Variants in DNAJC1 observed in about 807,000 individuals in gnomAD.
DNAJC1 encodes the protein dnaJ homolog subfamily C member 1.
In DNAJC1, 58 loss-of-function variants were observed where a neutral mutation model predicts 76.6. That is an observed-to-expected ratio of 0.76 (90% CI 0.61 to 0.94). The LOEUF (loss-of-function observed/expected upper bound fraction) is 0.94, where lower values mean the gene tolerates loss of function less well. DNAJC1 is among the 40% of genes least tolerant of loss of function. The pLI is 0.00. For synonymous variants in DNAJC1, 258 were observed against 267.9 expected (o/e 0.96, Z 0.36); for missense variants, 689 against 677.3 (o/e 1.02, Z -0.19).
intron 1 of DNAJC1, among the ~76,000 whole-genome samples, chr10:21,967,609 T>C (rs1234790804): frequency 6.6e-6 from 1 of 152,218 alleles, no homozygotes; most frequent in Admixed American, 6.5e-5. Flanking sequence ...AGTTAGGATA[T>C]AGGCTAAGAC....
intron 8 of DNAJC1, among the ~76,000 whole-genome samples, chr10:21,817,961 T>C (rs905892366): frequency 1.3e-5 from 2 of 152,308 alleles, no homozygotes; most frequent in South Asian, 2.1e-4. Context: ...TTGCGTTAAC[T>C]GCACAAATTG....
chr10:21,892,159 AT>A (rs1836472265), intron 7 of DNAJC1, among the ~76,000 whole-genome samples: 2 of 152,216 alleles, frequency 1.3e-5, no homozygotes, highest in African/African-American at 4.8e-5. Context: ...AAAGAAATAT[AT>A]TTAAAAAAAC....
At chr10:21,833,726 G>A (rs1357463707) in intron 8 of DNAJC1, among the ~76,000 whole-genome samples, 2 of 152,198 alleles carry the variant, frequency 1.3e-5, no homozygotes, top group South Asian at 4.2e-4. Context: ...ATAAATGTTA[G>A]CTAATATTCA....
chr10:22,003,397 C>G lies in DNAJC1; in HGVS notation c.38G>C (p.Gly13Ala), dbSNP rs569910939. Residue 13 changes from glycine (G) to alanine (A), a missense_variant, in exon 1 of 12, where the codon GGA (glycine) becomes GCA (alanine). Transcript: ENST00000376980. ...APCSQPAQLP[G>A]RRQLGLVPFP... Reference sequence around the variant, plus strand: ...CGGCACCAGCCCGAGCTGGCGGCGTCCAGGAAGCTGCGCCGGCTGGGAGCA... The same window carrying G: ...CGGCACCAGCCCGAGCTGGCGGCGTGCAGGAAGCTGCGCCGGCTGGGAGCA... The G allele has an allele frequency of 1.7e-5, 24 of 1,377,938 alleles. No individual in the cohort carries two copies. The African/African-American group carries it at 2.3e-4, about 13-fold the overall frequency. 85.4% of individuals were successfully genotyped at this position (1,377,938 alleles called of 1,614,324 possible).
chr10:21,955,237 T>C (rs913332401), intron 1 of DNAJC1, among the ~76,000 whole-genome samples: 3 of 152,218 alleles, frequency 2.0e-5, no homozygotes, highest in Non-Finnish European at 4.4e-5. Context: ...GAAATTAGTT[T>C]TCCCCAATTT....
intron 1 of DNAJC1, among the ~76,000 whole-genome samples, chr10:21,958,423 A>C (rs1391139878): frequency 1.3e-5 from 2 of 150,116 alleles, no homozygotes; most frequent in Admixed American, 6.6e-5. Context: ...CTGTCTCCAC[A>C]GATTTGTCTT....
chr10:21,782,514 C>G (rs1037745698), intron 9 of DNAJC1, among the ~76,000 whole-genome samples: 11 of 152,164 alleles, frequency 7.2e-5, no homozygotes, highest in African/African-American at 2.4e-4. Context: ...CCATTCCAAT[C>G]AACAGAAAAA....
At chr10:21,961,019 AG>A (rs1390193176) in intron 1 of DNAJC1, among the ~76,000 whole-genome samples, 1 of 152,236 alleles carries the variant, frequency 6.6e-6, no homozygotes, top group Non-Finnish European at 1.5e-5. Flanking sequence ...TGCAAATCAA[AG>A]CCACAATATA....
chr10:21,764,389 T>TA (rs1308991374), intron 10 of DNAJC1, among the ~76,000 whole-genome samples: 3 of 152,248 alleles, frequency 2.0e-5, no homozygotes, highest in Non-Finnish European at 4.4e-5. Context: ...TCCTTTTGTT[T>TA]ATCTGTATTT....
intron 9 of DNAJC1, among the ~76,000 whole-genome samples, chr10:21,797,668 G>A (rs1220974657): frequency 1.3e-5 from 2 of 152,162 alleles, no homozygotes; most frequent in Non-Finnish European, 1.5e-5. Context: ...TATGGCGGGA[G>A]TGGGTTATTG....
chr10:21,938,383 T>C (rs552148059), intron 1 of DNAJC1, among the ~76,000 whole-genome samples: 1 of 152,200 alleles, frequency 6.6e-6, no homozygotes, highest in East Asian at 1.9e-4. Context: ...TCAACCTAAC[T>C]TTATACCTTC....
intron 8 of DNAJC1, among the ~76,000 whole-genome samples, chr10:21,862,586 G>A (rs945185406): frequency 5.3e-5 from 8 of 151,552 alleles, no homozygotes; most frequent in South Asian, 2.1e-4. Flanking sequence ...ATGCCCCCAC[G>A]CCTGGCTAAT....
intron 1 of DNAJC1, among the ~76,000 whole-genome samples, chr10:21,995,366 T>C (rs1040579708): frequency 1.3e-5 from 2 of 152,212 alleles, no homozygotes; most frequent in African/African-American, 2.4e-5. Flanking sequence ...CAGGCCACAG[T>C]TGAGTTTCAT....
intron 8 of DNAJC1, among the ~76,000 whole-genome samples, chr10:21,837,813 C>A (rs1835492164): frequency 6.9e-6 from 1 of 144,346 alleles, no homozygotes; most frequent in Non-Finnish European, 1.5e-5. Context: ...GCCGCCCCGT[C>A]CGGGAGGGAG....
intron 9 of DNAJC1, among the ~76,000 whole-genome samples, chr10:21,772,509 A>G (rs1834398259): frequency 6.6e-6 from 1 of 152,002 alleles, no homozygotes; most frequent in Non-Finnish European, 1.5e-5. Flanking sequence ...ATAGCCATCT[A>G]ATTTCTTGAC....
chr10:21,851,727 CCAAA>C (rs1250101648), intron 8 of DNAJC1, among the ~76,000 whole-genome samples: 2 of 151,994 alleles, frequency 1.3e-5, no homozygotes, highest in East Asian at 3.9e-4. Context: ...TAGAAACAGC[CCAAA>C]CATTTATCAA....
intron 1 of DNAJC1, among the ~76,000 whole-genome samples, chr10:21,950,475 G>A (rs1257688962): frequency 3.9e-5 from 6 of 151,962 alleles, no homozygotes; most frequent in Admixed American, 1.3e-4. Context: ...CCTGCTCTCC[G>A]AGACACAACA....
intron 8 of DNAJC1, among the ~76,000 whole-genome samples, chr10:21,826,799 A>G (rs1487391837): frequency 1.3e-5 from 2 of 152,156 alleles, no homozygotes; most frequent in Non-Finnish European, 2.9e-5. Context: ...CTTGTTGAAC[A>G]TGTTTGACCA....
intron 1 of DNAJC1, among the ~76,000 whole-genome samples, chr10:21,961,666 G>A (rs761467866): frequency 1.3e-5 from 2 of 152,108 alleles, no homozygotes; most frequent in Non-Finnish European, 2.9e-5. Context: ...GGTAATAGTT[G>A]CACAGCATTA....
Sources: gnomAD v4.1 joint callset for allele counts (sites outside exome capture counted in the v4.1 genomes callset) on GRCh38, gnomAD v4.1.1 for gene constraint, MANE v1.5 for transcripts, NCBI Gene and HGNC (gene_info 2026-07-23, HGNC 2026-07-21) for gene names.